MPRIP: variants seen among roughly 807,000 people sequenced by gnomAD.
MPRIP encodes the protein myosin phosphatase Rho-interacting protein.
Under a neutral mutation model 234.9 loss-of-function variants are expected in MPRIP, and 59 were observed. The observed-to-expected ratio is 0.25, with a 90% CI of 0.20 to 0.31. The LOEUF is 0.31. Ranked by LOEUF, MPRIP falls within the 10% of genes least tolerant of loss-of-function variation. The pLI, the probability that MPRIP is intolerant of heterozygous loss-of-function variation, is 1.00. For missense variants in MPRIP, 2,436 were observed against 3,071.0 expected (o/e 0.79, Z 4.89); for synonymous variants, 1,144 against 1,263.9 (o/e 0.91, Z 2.01).
intron 1 of MPRIP, among the ~76,000 whole-genome samples, chr17:17,075,360 G>A (rs1597757413): frequency 6.6e-6 from 1 of 151,942 alleles, no homozygotes; most frequent in Non-Finnish European, 1.5e-5. Flanking sequence ...ATTTCCTGGC[G>A]CCTGGCACAC....
intron 3 of MPRIP, among the ~76,000 whole-genome samples, chr17:17,115,099 T>TA (rs2090257780): frequency 6.6e-6 from 1 of 152,238 alleles, no homozygotes; most frequent in South Asian, 2.1e-4. Context: ...CTGCTGGCAT[T>TA]AGCAGATGCT....
chr17:17,137,634 G>A (rs1000266540), intron 6 of MPRIP, among the ~76,000 whole-genome samples: 4 of 150,312 alleles, frequency 2.7e-5, no homozygotes, highest in South Asian at 2.1e-4. Flanking sequence ...TTCCAGCCAA[G>A]CCCCCAGACT....
At chr17:17,117,061 C>T (rs8066111) in intron 3 of MPRIP, among the ~76,000 whole-genome samples, 3 of 152,112 alleles carry the variant, frequency 2.0e-5, no homozygotes, top group African/African-American at 7.2e-5. Context: ...ATGCCCAGAG[C>T]TCCTCAGTCC....
At chr17:17,163,476 T>A (rs561767148) in intron 15 of MPRIP, among the ~76,000 whole-genome samples, 1 of 152,324 alleles carries the variant, frequency 6.6e-6, no homozygotes, top group African/African-American at 2.4e-5. Flanking sequence ...GATTATTGTA[T>A]CTTACTCCAT....
chr17:17,128,646 C>T (rs908963686), intron 4 of MPRIP, among the ~76,000 whole-genome samples: 13 of 152,208 alleles, frequency 8.5e-5, no homozygotes, highest in Admixed American at 1.3e-4. Flanking sequence ...CGCTCTTCCC[C>T]TTCCCCTCGC....
intron 3 of MPRIP, among the ~76,000 whole-genome samples, chr17:17,106,193 G>A (rs564678304): frequency 1.2e-4 from 18 of 152,350 alleles, no homozygotes; most frequent in African/African-American, 2.4e-4. Context: ...CCCTGCCGGC[G>A]TCCAACACAG....
At chr17:17,182,759 A>G (rs2046398715) in intron 23 of MPRIP, 1 of 152,436 alleles carries the variant, frequency 6.6e-6, no homozygotes, top group African/African-American at 2.4e-5. Context: ...CTGTAGCAGG[A>G]ATCTGGGGCT....
At chr17:17,178,688 GCAGAT>G (rs2046309142) in intron 22 of MPRIP, 1 of 152,126 alleles carries the variant, frequency 6.6e-6, no homozygotes, top group South Asian at 2.1e-4. Context: ...AGCTAGGTGG[GCAGAT>G]CACTTGATCT....
At chr17:17,137,193 G>C (rs2090719226) in intron 6 of MPRIP, among the ~76,000 whole-genome samples, 1 of 152,062 alleles carries the variant, frequency 6.6e-6, no homozygotes, top group Non-Finnish European at 1.5e-5. Context: ...GAAGTCCCCT[G>C]CCCCTTCCCA....
At chr17:17,174,653 G>A (rs920012556) in intron 19 of MPRIP, among the ~76,000 whole-genome samples, 2 of 152,228 alleles carry the variant, frequency 1.3e-5, no homozygotes, top group African/African-American at 4.8e-5. Flanking sequence ...GGCTAACATG[G>A]TGAAACCCCA....
At chr17:17,130,019 C>G (rs2090565232) in intron 4 of MPRIP, among the ~76,000 whole-genome samples, 1 of 152,230 alleles carries the variant, frequency 6.6e-6, no homozygotes, top group Non-Finnish European at 1.5e-5. Flanking sequence ...GCTCAGGACC[C>G]TCAGAAGGCC....
At chr17:17,064,303 G>A (rs1287988700) in intron 1 of MPRIP, among the ~76,000 whole-genome samples, 5 of 151,702 alleles carry the variant, frequency 3.3e-5, no homozygotes, top group Non-Finnish European at 5.9e-5. Flanking sequence ...CTGGGTTGAA[G>A]CGATTCTCCT....
chr17:17,137,529 A>T (rs953834035), intron 6 of MPRIP, among the ~76,000 whole-genome samples: 22 of 149,352 alleles, frequency 1.5e-4, no homozygotes, highest in African/African-American at 5.4e-4. Context: ...AAAAAAAAAA[A>T]TACTGAAGGG....
chr17:17,084,002 G>A (rs376233985), intron 3 of MPRIP, among the ~76,000 whole-genome samples: 1 of 152,154 alleles, frequency 6.6e-6, no homozygotes, highest in Non-Finnish European at 1.5e-5. Context: ...CGGCCTCCCA[G>A]AGTCCATGTG....
intron 12 of MPRIP, 85 bp from the exon 13 acceptor site, chr17:17,154,221 C>A: frequency 8.6e-7 from 1 of 1,157,032 alleles, no homozygotes; most frequent in Non-Finnish European, 1.3e-6. Flanking sequence ...GGGACTTTAC[C>A]CAGTGCAGGG....
At chr17:17,059,846 G>A (rs1597728839) in intron 1 of MPRIP, among the ~76,000 whole-genome samples, 1 of 152,190 alleles carries the variant, frequency 6.6e-6, no homozygotes, top group South Asian at 2.1e-4. Context: ...GCAGGGTCCC[G>A]GGTGGGCATG....
intron 3 of MPRIP, among the ~76,000 whole-genome samples, chr17:17,094,278 T>C (rs2089788436): frequency 6.6e-6 from 1 of 152,242 alleles, no homozygotes; most frequent in Admixed American, 6.5e-5. Flanking sequence ...GGCTGTAGAA[T>C]GTTAGATGGG....
rs1334523565 is a variant in MPRIP, at chr17:17,167,054, T to C, written c.5463T>C (p.Ser1821=). 7.7e-7 allele frequency: 1 copy of C among 1,304,162 alleles called. No individual in the cohort carries two copies. The highest frequency in any genetic ancestry group is 5.6e-5 in the East Asian group (1 of 17,996). 80.8% of individuals were successfully genotyped at this position (1,304,162 alleles called of 1,614,324 possible). The change falls in exon 16 of 24, where the codon AGT becomes AGC. Residue 1821 remains serine, a synonymous_variant. Coordinates refer to ENST00000651222, the MANE Select transcript of MPRIP (RefSeq NM_001364716.4). The surrounding 1 kb of genome is among the most constrained non-coding windows in gnomAD (Gnocchi z 5.9). ...DCQKLLQVSQ[S]LSYNTCLGGL... is the part of the protein sequence containing the mutation. The stretch of plus-strand genomic sequence containing the variant: ...AGAAGCTTCTCCAGGTGTCCCAGAG[T>C]CTCTCGTATAACACTTGTTTGGGAG...
chr17:17,180,497 A>G (rs964133010), intron 23 of MPRIP: 1 of 960,860 alleles, frequency 1.0e-6, no homozygotes, highest in Admixed American at 1.7e-5. Flanking sequence ...GTACATCTTT[A>G]GTGTGCTGTC....
Sources: allele counts gnomAD v4.1 joint callset (sites outside exome capture counted in the v4.1 genomes callset), GRCh38; gene constraint gnomAD v4.1.1; non-coding constraint Gnocchi (gnomAD v3.1); transcripts MANE v1.5; gene names NCBI Gene and HGNC (gene_info 2026-07-23, HGNC 2026-07-21).